The following SMAP1 variants were observed in gnomAD, a reference collection of about 807,000 sequenced individuals.
SMAP1 encodes the protein small ArfGAP 1.
SMAP1 carries 24 observed loss-of-function variants against 58.5 expected under a neutral mutation model. That is an observed-to-expected ratio of 0.41 (90% CI 0.30 to 0.58). The LOEUF (loss-of-function observed/expected upper bound fraction) is 0.58, where lower values mean the gene tolerates loss of function less well. SMAP1 is among the 20% of genes least tolerant of loss of function. SMAP1 has a pLI of 0.29. For synonymous variants in SMAP1, 216 were observed against 196.6 expected, an observed-to-expected ratio of 1.10 and a Z score of -0.82; for missense variants, 563 against 566.3, an observed-to-expected ratio of 0.99 and a Z score of 0.06.
chr6:70,697,361 A>C (rs1767447430), intron 1 of SMAP1, among the ~76,000 whole-genome samples: 2 of 149,816 alleles, frequency 1.3e-5, no homozygotes, highest in Non-Finnish European at 3.0e-5. Flanking sequence ...GCTGGAGTGC[A>C]GTGGTGCAAT....
chr6:70,843,154 TC>T (rs374794193), intron 7 of SMAP1, among the ~76,000 whole-genome samples: 5,088 of 125,782 alleles, frequency 0.04, 94 homozygotes, highest in African/African-American at 0.063. Flanking sequence ...CCACACACAC[TC>T]CCCCCCCCCT....
chr6:70,731,063 G>A (rs1328852887), intron 1 of SMAP1, among the ~76,000 whole-genome samples: 1 of 152,232 alleles, frequency 6.6e-6, no homozygotes, highest in Non-Finnish European at 1.5e-5. Flanking sequence ...GCCTCCCAAA[G>A]TGCTGGGATT....
chr6:70,751,783 G>A (rs1019223138), intron 2 of SMAP1, among the ~76,000 whole-genome samples: 25 of 152,214 alleles, frequency 1.6e-4, no homozygotes, highest in Non-Finnish European at 2.6e-4. Flanking sequence ...CTTAGGGTCC[G>A]TCTTGATTCA....
chr6:70,742,909 A>C (rs1460201598), intron 2 of SMAP1, among the ~76,000 whole-genome samples: 1 of 152,142 alleles, frequency 6.6e-6, no homozygotes, highest in Non-Finnish European at 1.5e-5. Context: ...AGGTCTTGTG[A>C]GACATATTTA....
At chr6:70,721,257 A>T (rs973668947) in intron 1 of SMAP1, among the ~76,000 whole-genome samples, 1 of 152,252 alleles carries the variant, frequency 6.6e-6, no homozygotes, top group East Asian at 1.9e-4. Context: ...GCTGCTTAGA[A>T]ATTTTTTCCG....
intron 4 of SMAP1, among the ~76,000 whole-genome samples, chr6:70,789,579 A>ATTTTTCT (rs1165376378): frequency 6.1e-5 from 8 of 131,368 alleles, no homozygotes; most frequent in Admixed American, 2.3e-4. Context: ...TAAATCATTT[A>ATTTTTCT]TTTTTCTTTT....
intron 1 of SMAP1, among the ~76,000 whole-genome samples, chr6:70,699,493 G>A (rs535699950): frequency 6.6e-6 from 1 of 152,154 alleles, no homozygotes; most frequent in Non-Finnish European, 1.5e-5. Flanking sequence ...TCAGGACAGC[G>A]AGCTCTCCAC....
intron 7 of SMAP1, among the ~76,000 whole-genome samples, chr6:70,845,459 A>G (rs1770952177): frequency 6.6e-6 from 1 of 152,238 alleles, no homozygotes; most frequent in Non-Finnish European, 1.5e-5. Context: ...TAAAATTCCA[A>G]TTTAAATTCT....
chr6:70,858,072 C>G lies in SMAP1; in HGVS notation c.1112C>G (p.Pro371Arg). 3 of 1,613,920 alleles carry G rather than the reference C, an allele frequency of 1.9e-6. No individual in the cohort carries two copies. The South Asian group carries it at 3.3e-5, about 18-fold the overall frequency. Reference protein sequence around the residue: ...GQSPSMMVGMPMPNGFMGNAQ... With the variant: ...GQSPSMMVGMRMPNGFMGNAQ... ...AGTCCAAGCATGATGGTGGGCATGC[C>G]CATGCCCAATGGGTTTATGGGAAAT... Residue 371 changes from proline to arginine, a missense_variant, in exon 10 of 11, where the codon CCC (proline) becomes CGC (arginine). Physicochemically the swap from Pro to Arg is moderately radical, Grantham distance 103. Coordinates refer to ENST00000370455, the MANE Select transcript of SMAP1 (RefSeq NM_001044305.3).
intron 5 of SMAP1, among the ~76,000 whole-genome samples, chr6:70,796,589 T>C (rs1443559006): frequency 6.6e-6 from 1 of 152,194 alleles, no homozygotes; most frequent in Non-Finnish European, 1.5e-5. Flanking sequence ...CAGTAGGTAA[T>C]GTTTCTAGTT....
chr6:70,756,022 A>T (rs990453320), intron 3 of SMAP1, among the ~76,000 whole-genome samples: 20 of 152,020 alleles, frequency 1.3e-4, no homozygotes, highest in African/African-American at 4.8e-4. Flanking sequence ...TTATGAGTGG[A>T]TAGAATAGTT....
intron 7 of SMAP1, among the ~76,000 whole-genome samples, chr6:70,841,590 A>C (rs945333685): frequency 6.6e-6 from 1 of 152,210 alleles, no homozygotes; most frequent in African/African-American, 2.4e-5. Context: ...CTAAACATTC[A>C]TAACTTTTAC....
At chr6:70,712,766 T>TATTG in intron 1 of SMAP1, among the ~76,000 whole-genome samples, 1 of 145,852 alleles carries the variant, frequency 6.9e-6, no homozygotes, top group African/African-American at 2.8e-5. Flanking sequence ...TTATTGCTTT[T>TATTG]CTTTTCTTTT....
At chr6:70,826,948 AAAAAAAAAAAAAG>A (rs1770151465) in intron 6 of SMAP1, among the ~76,000 whole-genome samples, 1 of 150,832 alleles carries the variant, frequency 6.6e-6, no homozygotes, top group African/African-American at 2.4e-5. Context: ...AAAAAAAAAA[AAAAAAAAAAAAAG>A]AAAAAGAAAA....
chr6:70,682,029 AAAG>A (rs1314862252), intron 1 of SMAP1, among the ~76,000 whole-genome samples: 1 of 152,170 alleles, frequency 6.6e-6, no homozygotes, highest in Non-Finnish European at 1.5e-5. Context: ...ACAGGAGAAA[AAAG>A]ATCAGGAAGA....
At chr6:70,840,304 G>T (rs1479183248) in intron 7 of SMAP1, among the ~76,000 whole-genome samples, 1 of 152,076 alleles carries the variant, frequency 6.6e-6, no homozygotes, top group Admixed American at 6.5e-5. Context: ...GGACTTTAAT[G>T]AACTTACTTT....
intron 1 of SMAP1, among the ~76,000 whole-genome samples, chr6:70,699,492 C>T (rs530802882): frequency 5.8e-4 from 88 of 152,286 alleles, no homozygotes; most frequent in African/African-American, 2.0e-3. Context: ...TTCAGGACAG[C>T]GAGCTCTCCA....
chr6:70,696,056 T>C (rs1174060566), intron 1 of SMAP1, among the ~76,000 whole-genome samples: 1 of 152,190 alleles, frequency 6.6e-6, no homozygotes, highest in Non-Finnish European at 1.5e-5. Flanking sequence ...TTCCAATTTA[T>C]TGGCATATAG....
At chr6:70,779,539 G>A (rs1174958703) in intron 4 of SMAP1, among the ~76,000 whole-genome samples, 2 of 152,140 alleles carry the variant, frequency 1.3e-5, no homozygotes, top group African/African-American at 4.8e-5. Context: ...GGGCTGTGGT[G>A]GGAATGTGGA....
Sources: allele counts gnomAD v4.1 joint callset (sites outside exome capture counted in the v4.1 genomes callset), GRCh38; gene constraint gnomAD v4.1.1; transcripts MANE v1.5; gene names NCBI Gene and HGNC (gene_info 2026-07-23, HGNC 2026-07-21).